RSPRY1: variants seen among roughly 807,000 people sequenced by gnomAD.
RSPRY1 encodes RING finger and SPRY domain-containing protein 1.
A neutral mutation model predicts 73.1 loss-of-function variants in RSPRY1; 23 were observed. The observed-to-expected ratio is 0.31, with a 90% confidence interval of 0.23 to 0.45. RSPRY1 has a LOEUF of 0.45. Ranked by LOEUF, RSPRY1 falls within the 20% of genes least tolerant of loss-of-function variation. RSPRY1 has a pLI of 1.00. For synonymous variants in RSPRY1, 226 were observed against 251.4 expected (o/e 0.90, Z 0.95); for missense variants, 448 against 698.7 (o/e 0.64, Z 4.05).
At chr16:57,228,165 T>G (rs1161230054) in intron 11 of RSPRY1, among the ~76,000 whole-genome samples, 4 of 150,032 alleles carry the variant, frequency 2.7e-5, no homozygotes, top group Admixed American at 1.3e-4. Flanking sequence ...CCCGGCTACT[T>G]GGGAGGCTGA....
intron 1 of RSPRY1, among the ~76,000 whole-genome samples, chr16:57,191,428 C>T (rs1191584512): frequency 2.1e-4 from 32 of 152,088 alleles, no homozygotes; most frequent in Admixed American, 2.1e-3. Flanking sequence ...TTACTGTGGT[C>T]TCTTAATACT....
intron 11 of RSPRY1, among the ~76,000 whole-genome samples, chr16:57,228,457 G>T (rs1178669571): frequency 2.0e-5 from 3 of 151,760 alleles, no homozygotes; most frequent in Middle Eastern, 3.4e-3. Context: ...TATGATAAAG[G>T]CCCTGTTTTC....
chr16:57,196,774 C>G (rs1032095707), intron 1 of RSPRY1, among the ~76,000 whole-genome samples: 1 of 152,166 alleles, frequency 6.6e-6, no homozygotes, highest in Non-Finnish European at 1.5e-5. Context: ...ATCCCTCTCC[C>G]CCAGGTAATT....
chr16:57,235,100 T>C (rs1215474266), intron 13 of RSPRY1, 24 bp from the exon 14 acceptor site: 2 of 1,581,104 alleles, frequency 1.3e-6, no homozygotes, highest in East Asian at 2.2e-5. Context: ...ACAAAATGTA[T>C]TTCAAATTGC....
chr16:57,218,290 T>A (rs1294535457), intron 8 of RSPRY1, among the ~76,000 whole-genome samples: 1 of 152,216 alleles, frequency 6.6e-6, no homozygotes, highest in Non-Finnish European at 1.5e-5. Flanking sequence ...CATTTATCAT[T>A]TATTTGTGTT....
chr16:57,212,359 T>G (rs1248673863), intron 4 of RSPRY1, among the ~76,000 whole-genome samples: 1 of 152,184 alleles, frequency 6.6e-6, no homozygotes, highest in Non-Finnish European at 1.5e-5. Flanking sequence ...AAAACTTTTT[T>G]TAAAGTAACT....
intron 1 of RSPRY1, among the ~76,000 whole-genome samples, chr16:57,200,367 C>T (rs1442204840): frequency 6.6e-6 from 1 of 152,146 alleles, no homozygotes; most frequent in Non-Finnish European, 1.5e-5. Context: ...TCCCCCCTTT[C>T]TATTCCACAA....
chr16:57,237,411 T>C (rs1354416103), intron 14 of RSPRY1, among the ~76,000 whole-genome samples: 2 of 152,112 alleles, frequency 1.3e-5, no homozygotes, highest in Non-Finnish European at 2.9e-5. Context: ...CGAAAAGTTC[T>C]GGGATTACAG....
chr16:57,206,170 G>C (rs1160496696), intron 2 of RSPRY1, among the ~76,000 whole-genome samples: 2 of 152,214 alleles, frequency 1.3e-5, no homozygotes, highest in African/African-American at 4.8e-5. Flanking sequence ...TTGAGAGGCT[G>C]AGGTAGAAAG....
intron 13 of RSPRY1, among the ~76,000 whole-genome samples, chr16:57,233,217 CT>C (rs2075252177): frequency 1.3e-5 from 2 of 152,092 alleles, no homozygotes; most frequent in Non-Finnish European, 2.9e-5. Context: ...TCCATTCATT[CT>C]TTTTTTCTTT....
rs1291293531 is a variant in RSPRY1, at chr16:57,227,447, A to C, written c.1267A>C (p.Lys423Gln). The C allele has an allele frequency of 6.2e-7, 1 of 1,610,684 alleles. No homozygotes were observed. The highest frequency in any genetic ancestry group is 2.2e-5 in the East Asian group (1 of 44,878). Residue 423 changes from lysine (K) to glutamine (Q), a missense_variant, in exon 11 of 15, where the codon AAA (lysine) becomes CAA (glutamine). Transcript: ENST00000394420. ...RSKPHIHPCW[K>Q]EGDTVGFLLD... is the part of the protein sequence containing the mutation. The stretch of plus-strand genomic sequence containing the variant: ...TAAGCCTCACATACACCCATGCTGG[A>C]AAGAAGGTATTCATTCCCTCCATTA...
chr16:57,230,234 A>G (rs2146365835), intron 11 of RSPRY1, among the ~76,000 whole-genome samples: 1 of 150,766 alleles, frequency 6.6e-6, no homozygotes. Flanking sequence ...TGGTCTTCAA[A>G]CTCCTGACCT....
At chr16:57,199,758 A>G (rs578205828) in intron 1 of RSPRY1, among the ~76,000 whole-genome samples, 15 of 152,190 alleles carry the variant, frequency 9.9e-5, no homozygotes, top group Non-Finnish European at 2.1e-4. Flanking sequence ...ACTGGCCCAG[A>G]GCCAGACCTG....
chr16:57,199,128 C>T (rs775784604), intron 1 of RSPRY1, among the ~76,000 whole-genome samples: 3 of 152,142 alleles, frequency 2.0e-5, no homozygotes, highest in Non-Finnish European at 4.4e-5. Context: ...TACATATATA[C>T]TGATATAGAA....
chr16:57,218,596 TC>T (rs2074978398), intron 8 of RSPRY1, among the ~76,000 whole-genome samples: 2 of 152,162 alleles, frequency 1.3e-5, no homozygotes, highest in Admixed American at 6.6e-5. Context: ...AGTTTGTCTT[TC>T]TGTGCCTGAC....
At chr16:57,221,159 A>G in intron 9 of RSPRY1, 113 bp from the exon 10 acceptor site, 2 of 1,285,140 alleles carry the variant, frequency 1.6e-6, no homozygotes, top group Non-Finnish European at 2.2e-6. Context: ...AGGAAGCAAT[A>G]GTCCACCAGA....
At chr16:57,213,185 T>G (rs2074877307) in intron 5 of RSPRY1, 87 bp downstream of exon 5, 2 of 1,259,388 alleles carry the variant, frequency 1.6e-6, no homozygotes, top group Non-Finnish European at 2.2e-6. Flanking sequence ...ATCAAACTGC[T>G]ATACCAGAAA....
At chr16:57,235,271 A>G (rs770114153) in intron 14 of RSPRY1, 43 bp downstream of exon 14, 3 of 1,383,270 alleles carry the variant, frequency 2.2e-6, no homozygotes, top group South Asian at 1.2e-5. Context: ...CTGTTCTTAA[A>G]TTGCTAGTTC....
chr16:57,207,812 A>T, intron 2 of RSPRY1: 1 of 532,420 alleles, frequency 1.9e-6, no homozygotes, highest in Non-Finnish European at 3.6e-6. Context: ...GACACATAGT[A>T]GTCTTTGTCT....
Sources: gnomAD v4.1 joint callset for allele counts (sites outside exome capture counted in the v4.1 genomes callset) on GRCh38, gnomAD v4.1.1 for gene constraint, MANE v1.5 for transcripts, NCBI Gene and HGNC (gene_info 2026-07-23, HGNC 2026-07-21) for gene names.